The following TCF7L2 variants were observed in gnomAD, a reference collection of about 807,000 sequenced individuals.
TCF7L2 encodes transcription factor 7-like 2.
Under a neutral mutation model 77.9 loss-of-function variants are expected in TCF7L2, and 23 were observed. That is an observed-to-expected ratio of 0.30 (90% CI 0.21 to 0.42). TCF7L2 has a LOEUF of 0.42. Among genes scored for constraint, TCF7L2 ranks in the 10% least tolerant of loss-of-function variants. TCF7L2 has a pLI of 1.00. For synonymous variants in TCF7L2, 413 were observed against 340.2 expected (o/e 1.21, Z -2.36); for missense variants, 654 against 793.1 (o/e 0.82, Z 2.11).
chr10:113,091,471 G>T (rs1033217664), intron 5 of TCF7L2, among the ~76,000 whole-genome samples: 1 of 152,116 alleles, frequency 6.6e-6, no homozygotes, highest in East Asian at 1.9e-4. Flanking sequence ...AGTGGCTCAC[G>T]CCTGTAATCC....
chr10:113,041,313 C>CT (rs1218921217), intron 5 of TCF7L2, among the ~76,000 whole-genome samples: 2 of 152,216 alleles, frequency 1.3e-5, no homozygotes, highest in African/African-American at 4.8e-5. Context: ...CCCCTTTCCT[C>CT]TAACTCCACA....
intron 4 of TCF7L2, among the ~76,000 whole-genome samples, chr10:112,986,669 G>A (rs571756246): frequency 1.2e-4 from 18 of 152,254 alleles, no homozygotes; most frequent in Non-Finnish European, 1.3e-4. Context: ...AAATGCTCAG[G>A]CTGTGGTTAA....
chr10:112,964,494 T>C, intron 3 of TCF7L2, 62 bp from the exon 4 acceptor site: 2 of 1,509,492 alleles, frequency 1.3e-6, no homozygotes, highest in Non-Finnish European at 1.8e-6. Flanking sequence ...ATAAACTGCT[T>C]AAGATGTTTT....
In TCF7L2 at chr10:113,022,758, T is replaced by G. The variant is rs528615201; in HGVS notation, c.451-17267T>G. 3.3e-5 allele frequency among the ~76,000 whole-genome samples: 5 copies of G among 152,300 alleles called. No individual in the cohort carries two copies. In the East Asian group the frequency reaches 9.6e-4, roughly 29 times the overall value. ...AGGTACAATGCCAGGCATTTGATCC[T>G]TACACGAACTCTGAGAGATGGCTGT... On this transcript the variant is annotated intron_variant, in intron 4 of 13. Coordinates refer to ENST00000627217, the MANE Select transcript of TCF7L2 (RefSeq NM_001146274.2).
intron 4 of TCF7L2, among the ~76,000 whole-genome samples, chr10:113,001,667 C>G (rs2044504535): frequency 6.6e-6 from 1 of 152,144 alleles, no homozygotes; most frequent in Admixed American, 6.5e-5. Flanking sequence ...GGGTGACCCC[C>G]CTATCATGCC....
chr10:113,063,538 G>T (rs1024394205), intron 5 of TCF7L2, among the ~76,000 whole-genome samples: 6 of 152,108 alleles, frequency 3.9e-5, no homozygotes, highest in Admixed American at 6.5e-5. Context: ...GAGGAGAGCG[G>T]GAGATGGGAA....
Position 112,966,429 on chromosome 10 carries a change from A to T in TCF7L2, c.450+1805A>T, listed in dbSNP as rs150259002. On this transcript the variant is annotated intron_variant, in intron 4 of 13. Transcript: ENST00000627217. ...CAGCATAGTAAGTCTTGCTCCCAGA[A>T]AGTGCTTTAGGTGCGGGACTTGGTT... is the stretch of plus-strand genomic sequence containing the variant. Among the ~76,000 whole-genome samples, 17 of 152,008 alleles carry T rather than the reference A, an allele frequency of 1.1e-4. No homozygotes were observed. The East Asian group carries it at 3.3e-3, about 29-fold the overall frequency.
intron 4 of TCF7L2, among the ~76,000 whole-genome samples, chr10:112,983,748 C>T (rs569929640): frequency 6.6e-6 from 1 of 152,286 alleles, no homozygotes; most frequent in East Asian, 1.9e-4. Context: ...GTTCCAGGGT[C>T]CCTGGGTGCC....
chr10:113,043,594 C>T (rs1055783057), intron 5 of TCF7L2, among the ~76,000 whole-genome samples: 5 of 152,098 alleles, frequency 3.3e-5, no homozygotes, highest in African/African-American at 1.2e-4. Flanking sequence ...CTTCCCTCTT[C>T]CTTCTTCCTT....
At position 113,167,638 on chromosome 10, in the gene TCF7L2, C is replaced by A. The variant is rs1214436335; in HGVS notation, c.*1666C>A. ...ATGCTGTACAGTATCTGTAGCATGCCGTTCTGGATTAATAAAAGCAACTTA... is the reference window on the plus strand; with the variant it reads ...ATGCTGTACAGTATCTGTAGCATGCAGTTCTGGATTAATAAAAGCAACTTA... On this transcript the variant is annotated 3_prime_UTR_variant, in exon 14 of 14. Coordinates refer to ENST00000627217, the MANE Select transcript of TCF7L2 (RefSeq NM_001146274.2). The A allele has an allele frequency of 5.2e-6, 1 of 191,382 alleles. No homozygotes were observed. The highest frequency in any genetic ancestry group is 1.1e-5 in the Non-Finnish European group (1 of 91,574). The allele number at this position is 191,382 out of a possible 1,614,324, so 11.9% of individuals were successfully genotyped here.
rs1000300298 is a variant in TCF7L2 at position 113,165,833 on chromosome 10, A to G, written c.1670A>G (p.Asp557Gly). Reference sequence around the variant, plus strand: ...GCCCTCTGTCCCAACGGGGCCCTGGACCTGCCCCCAGCCGCTTTGCAGCCT... The same window carrying G: ...GCCCTCTGTCCCAACGGGGCCCTGGGCCTGCCCCCAGCCGCTTTGCAGCCT... The change falls in exon 14 of 14, where the codon GAC (aspartate) becomes GGC (glycine). Residue 557 changes from aspartate to glycine, a missense_variant. Around this residue, in one of 6 missense-constraint regions of TCF7L2, gnomAD observed 272 missense variants for 215.4 expected, o/e 1.26. Transcript: ENST00000627217. 2.5e-6 allele frequency: 4 copies of G among 1,606,128 alleles called. No individual in the cohort carries two copies. The highest frequency in any genetic ancestry group is 3.4e-6 in the Non-Finnish European group (4 of 1,175,522).
intron 4 of TCF7L2, among the ~76,000 whole-genome samples, chr10:112,999,444 C>T (rs965190308): frequency 6.6e-6 from 1 of 152,194 alleles, no homozygotes; most frequent in African/African-American, 2.4e-5. Context: ...AGTATCTTGT[C>T]TTAGCTTGGT....
At chr10:112,958,104 T>G (rs146384938) in intron 3 of TCF7L2, among the ~76,000 whole-genome samples, 37 of 152,382 alleles carry the variant, frequency 2.4e-4, no homozygotes, top group African/African-American at 8.2e-4. Flanking sequence ...CTGTGGGATC[T>G]TTGAACGGGT....
chr10:113,126,880 TGGTAA>T, intron 5 of TCF7L2: 4 of 985,346 alleles, frequency 4.1e-6, no homozygotes, highest in Non-Finnish European at 3.6e-6. Context: ...CCTCTCTAGA[TGGTAA>T]GCGCGGCCGG....
chr10:112,963,262 T>C (rs576269128), intron 3 of TCF7L2, among the ~76,000 whole-genome samples: 13 of 152,338 alleles, frequency 8.5e-5, no homozygotes, highest in African/African-American at 3.1e-4. Context: ...TATTTTGAGT[T>C]AGTTCAAAAG....
intron 5 of TCF7L2, among the ~76,000 whole-genome samples, chr10:113,058,704 G>A (rs1041856661): frequency 1.3e-5 from 2 of 151,966 alleles, no homozygotes; most frequent in Non-Finnish European, 2.9e-5. Context: ...CTGTGTGTGT[G>A]TGTGTGCGTG....
At chr10:112,977,892 A>C (rs923437256) in intron 4 of TCF7L2, among the ~76,000 whole-genome samples, 9 of 152,198 alleles carry the variant, frequency 5.9e-5, no homozygotes, top group African/African-American at 1.4e-4. Flanking sequence ...AGCGCTGTGT[A>C]AATAAACCAA....
chr10:112,999,042 G>T (rs767780554), intron 4 of TCF7L2, among the ~76,000 whole-genome samples: 1 of 152,072 alleles, frequency 6.6e-6, no homozygotes, highest in East Asian at 1.9e-4. Flanking sequence ...TCAGAGACAG[G>T]GTCTCATTCT....
intron 5 of TCF7L2, among the ~76,000 whole-genome samples, chr10:113,106,467 C>A (rs1271200853): frequency 6.6e-6 from 1 of 152,154 alleles, no homozygotes; most frequent in African/African-American, 2.4e-5. Flanking sequence ...CCATTAATTT[C>A]AAGGTCTTTC....
Sources: gnomAD v4.1 joint callset for allele counts (sites outside exome capture counted in the v4.1 genomes callset) on GRCh38, gnomAD v4.1.1 for gene constraint, gnomAD v4.1.1 regional missense constraint, MANE v1.5 for transcripts, NCBI Gene and HGNC (gene_info 2026-07-23, HGNC 2026-07-21) for gene names.